The following ADGRB3 variants were observed in gnomAD, a reference collection of about 807,000 sequenced individuals.
The protein encoded by ADGRB3 is brain-specific angiogenesis inhibitor 3.
ADGRB3 carries 37 observed loss-of-function variants against 193.4 expected under a neutral mutation model. The ratio of observed to expected loss-of-function variants is 0.19; its 90% confidence interval spans 0.15 to 0.25. The LOEUF (loss-of-function observed/expected upper bound fraction) is 0.25, where lower values mean the gene tolerates loss of function less well. Among genes scored for constraint, ADGRB3 ranks in the 10% least tolerant of loss-of-function variants. The pLI is 1.00. For missense variants in ADGRB3, 1,637 were observed against 1,852.9 expected (o/e 0.88, Z 2.14); for synonymous variants, 690 against 644.2 (o/e 1.07, Z -1.08).
chr6:69,328,285 T>G (rs901309505), intron 22 of ADGRB3, among the ~76,000 whole-genome samples: 3 of 152,168 alleles, frequency 2.0e-5, no homozygotes, highest in African/African-American at 7.2e-5. Context: ...TTTTGTCATG[T>G]TAGTTCAAGT....
chr6:68,748,583 G>A (rs112184359), intron 3 of ADGRB3, among the ~76,000 whole-genome samples: 26,052 of 152,148 alleles, frequency 0.17, 2,928 homozygotes, highest in Non-Finnish European at 0.25. Context: ...GTGGCTTTGC[G>A]TGGTACAGCC....
At chr6:69,152,272 T>A (rs541005525) in intron 17 of ADGRB3, among the ~76,000 whole-genome samples, 1 of 152,216 alleles carries the variant, frequency 6.6e-6, no homozygotes, top group African/African-American at 2.4e-5. Context: ...TGGAATTCTC[T>A]TGTGGAAGTC....
At chr6:68,931,167 T>A (rs1767326809) in intron 4 of ADGRB3, among the ~76,000 whole-genome samples, 1 of 151,948 alleles carries the variant, frequency 6.6e-6, no homozygotes, top group African/African-American at 2.4e-5. Flanking sequence ...AGAGTTTTGT[T>A]ATATAAGCTA....
At chr6:69,293,973 G>A (rs538554905) in intron 20 of ADGRB3, among the ~76,000 whole-genome samples, 5 of 152,216 alleles carry the variant, frequency 3.3e-5, no homozygotes, top group African/African-American at 1.2e-4. Context: ...GGGGAGGGTA[G>A]CACAAATTTT....
At chr6:68,710,105 A>G (rs558704951) in intron 3 of ADGRB3, among the ~76,000 whole-genome samples, 2 of 152,328 alleles carry the variant, frequency 1.3e-5, no homozygotes, top group East Asian at 3.9e-4. Context: ...GTCCAGCTCC[A>G]GAGCTCATGC....
At chr6:68,707,518 T>C (rs990006776) in intron 3 of ADGRB3, among the ~76,000 whole-genome samples, 9 of 152,216 alleles carry the variant, frequency 5.9e-5, no homozygotes, top group Middle Eastern at 3.2e-3. Flanking sequence ...TTTTTACCTA[T>C]GTATTAGTTG....
chr6:69,250,266 A>G (rs1291232841), intron 20 of ADGRB3, among the ~76,000 whole-genome samples: 1 of 152,204 alleles, frequency 6.6e-6, no homozygotes, highest in East Asian at 1.9e-4. Context: ...TAATGAATAG[A>G]AAGATGTGTA....
chr6:69,084,156 G>C (rs578150600), intron 17 of ADGRB3, among the ~76,000 whole-genome samples: 3 of 152,034 alleles, frequency 2.0e-5, no homozygotes, highest in African/African-American at 4.8e-5. Flanking sequence ...TTCATCTTTT[G>C]TCTGCTGTCT....
At chr6:68,928,215 T>G (rs1767236821) in intron 3 of ADGRB3, among the ~76,000 whole-genome samples, 1 of 152,080 alleles carries the variant, frequency 6.6e-6, no homozygotes, top group Non-Finnish European at 1.5e-5. Flanking sequence ...TGTTAAAAAT[T>G]GAATGTGACA....
At chr6:68,803,138 A>T (rs1767343077) in intron 3 of ADGRB3, among the ~76,000 whole-genome samples, 1 of 152,036 alleles carries the variant, frequency 6.6e-6, no homozygotes, top group South Asian at 2.1e-4. Context: ...AAGTTTATTT[A>T]TCTTACTGGA....
At chr6:68,783,743 A>G (rs1489613613) in intron 3 of ADGRB3, among the ~76,000 whole-genome samples, 3 of 151,990 alleles carry the variant, frequency 2.0e-5, no homozygotes, top group Admixed American at 6.6e-5. Flanking sequence ...ATGGTGTGCT[A>G]TGGAGAGTCC....
intron 20 of ADGRB3, among the ~76,000 whole-genome samples, chr6:69,301,499 A>T (rs1263301181): frequency 6.6e-6 from 1 of 151,888 alleles, no homozygotes; most frequent in Admixed American, 6.6e-5. Context: ...CATATTGCAT[A>T]AAAAAGTGAT....
At chr6:69,140,065 A>G (rs1380515972) in intron 17 of ADGRB3, among the ~76,000 whole-genome samples, 2 of 152,054 alleles carry the variant, frequency 1.3e-5, no homozygotes, top group African/African-American at 4.8e-5. Flanking sequence ...TTCCATTTAG[A>G]AAAAAAATCT....
At chr6:68,655,306 T>C (rs530174222) in intron 3 of ADGRB3, among the ~76,000 whole-genome samples, 3,368 of 151,762 alleles carry the variant, frequency 0.022, 62 homozygotes, top group South Asian at 0.073. Flanking sequence ...TTTGTTTCGT[T>C]TTTTTGTTGT....
intron 17 of ADGRB3, among the ~76,000 whole-genome samples, chr6:69,179,557 T>C (rs372219512): frequency 3.9e-4 from 60 of 152,352 alleles, no homozygotes; most frequent in African/African-American, 1.4e-3. Context: ...ATTCAGATTT[T>C]TCATGGTGCC....
chr6:68,727,657 T>G (rs558454482), intron 3 of ADGRB3, among the ~76,000 whole-genome samples: 6 of 151,694 alleles, frequency 4.0e-5, no homozygotes, highest in African/African-American at 1.4e-4. Flanking sequence ...TTTTATAATT[T>G]TTTTCACTGA....
chr6:68,871,752 T>C (rs998323382), intron 3 of ADGRB3, among the ~76,000 whole-genome samples: 10 of 152,074 alleles, frequency 6.6e-5, no homozygotes, highest in Non-Finnish European at 1.3e-4. Context: ...TTTAAAGTCA[T>C]ACATAAAAAG....
At chr6:69,282,989 T>C (rs947704854) in intron 20 of ADGRB3, among the ~76,000 whole-genome samples, 1 of 151,166 alleles carries the variant, frequency 6.6e-6, no homozygotes, top group African/African-American at 2.4e-5. Flanking sequence ...GGATAGAAAA[T>C]AAAAGAGATG....
At chr6:68,965,957 G>A (rs577825376) in intron 8 of ADGRB3, among the ~76,000 whole-genome samples, 6 of 152,234 alleles carry the variant, frequency 3.9e-5, no homozygotes, top group African/African-American at 1.4e-4. Flanking sequence ...GTTTTCTTCT[G>A]GAGCTTGGAT....
Sources: allele counts gnomAD v4.1 joint callset (sites outside exome capture counted in the v4.1 genomes callset), GRCh38; gene constraint gnomAD v4.1.1; transcripts MANE v1.5; gene names NCBI Gene and HGNC (gene_info 2026-07-23, HGNC 2026-07-21).